Variants in NRG2 observed in about 807,000 individuals in gnomAD.
NRG2 encodes pro-neuregulin-2, membrane-bound isoform.
Under a neutral mutation model 73.9 loss-of-function variants are expected in NRG2, and 27 were observed. That is an observed-to-expected ratio of 0.37 (90% CI 0.27 to 0.50). NRG2 has a LOEUF of 0.50. Among genes scored for constraint, NRG2 ranks in the 20% least tolerant of loss-of-function variants. The pLI is 0.96. For missense variants in NRG2, 1,126 were observed against 1,210.1 expected (o/e 0.93, Z 1.03); for synonymous variants, 532 against 541.0 (o/e 0.98, Z 0.23).
chr5:139,976,811 T>C (rs530592549), intron 1 of NRG2, among the ~76,000 whole-genome samples: 1 of 152,310 alleles, frequency 6.6e-6, no homozygotes, highest in Non-Finnish European at 1.5e-5. Context: ...ATTCCCTCCT[T>C]CTGAGCAGGA....
intron 1 of NRG2, among the ~76,000 whole-genome samples, chr5:139,977,741 C>T (rs1298879099): frequency 6.6e-6 from 1 of 152,184 alleles, no homozygotes; most frequent in Non-Finnish European, 1.5e-5. Context: ...GGTACCAAAA[C>T]AGAGATATAG....
At chr5:139,961,150 G>C (rs1024119758) in intron 1 of NRG2, among the ~76,000 whole-genome samples, 4 of 152,220 alleles carry the variant, frequency 2.6e-5, no homozygotes, top group Non-Finnish European at 5.9e-5. Flanking sequence ...GGCTGTTTAC[G>C]GTTCTTGCCT....
At chr5:139,987,498 T>C (rs776847562) in intron 1 of NRG2, among the ~76,000 whole-genome samples, 10 of 151,590 alleles carry the variant, frequency 6.6e-5, no homozygotes, top group Non-Finnish European at 1.5e-4. Flanking sequence ...AAGTAAATGC[T>C]CTAACTGGGA....
intron 1 of NRG2, among the ~76,000 whole-genome samples, chr5:139,990,626 G>A (rs542804086): frequency 3.9e-5 from 6 of 152,244 alleles, no homozygotes; most frequent in South Asian, 4.2e-4. Context: ...ATTTTGAAGA[G>A]ATCCTATGAT....
intron 1 of NRG2, among the ~76,000 whole-genome samples, chr5:139,901,335 G>A (rs1764877443): frequency 6.6e-6 from 1 of 152,172 alleles, no homozygotes; most frequent in Non-Finnish European, 1.5e-5. Flanking sequence ...GAGGTGCCAG[G>A]GAGCCAGAGC....
At chr5:139,860,984 G>A (rs1008127450) in intron 5 of NRG2, among the ~76,000 whole-genome samples, 2 of 152,128 alleles carry the variant, frequency 1.3e-5, no homozygotes, top group Admixed American at 6.5e-5. Context: ...TGAGGTGGGA[G>A]CCCAGAAATC....
chr5:139,863,945 G>A (rs1331292321), intron 5 of NRG2, among the ~76,000 whole-genome samples: 2 of 152,182 alleles, frequency 1.3e-5, no homozygotes, highest in African/African-American at 2.4e-5. Flanking sequence ...GGAGTACTGG[G>A]AAGGATCATT....
chr5:139,892,225 C>T (rs1440269708), intron 1 of NRG2, among the ~76,000 whole-genome samples: 3 of 152,176 alleles, frequency 2.0e-5, no homozygotes, highest in East Asian at 1.9e-4. Context: ...CCTCCACATC[C>T]GCACTCCTGG....
intron 1 of NRG2, among the ~76,000 whole-genome samples, chr5:139,921,448 A>G (rs1751652547): frequency 6.6e-6 from 1 of 152,212 alleles, no homozygotes; most frequent in Non-Finnish European, 1.5e-5. Context: ...CCACATAAAT[A>G]TAGTCAACTG....
intron 1 of NRG2, among the ~76,000 whole-genome samples, chr5:139,981,852 G>C (rs1486230164): frequency 1.3e-5 from 2 of 152,210 alleles, no homozygotes; most frequent in African/African-American, 4.8e-5. Flanking sequence ...CAAGCTCCCA[G>C]TATCTGCCCT....
chr5:140,004,734 C>T (rs1199404017), intron 1 of NRG2, among the ~76,000 whole-genome samples: 1 of 152,062 alleles, frequency 6.6e-6, no homozygotes, highest in African/African-American at 2.4e-5. Context: ...CTATATGCAA[C>T]GTGGGATCCT....
intron 1 of NRG2, among the ~76,000 whole-genome samples, chr5:139,990,694 G>A (rs932216892): frequency 1.3e-5 from 2 of 152,176 alleles, no homozygotes; most frequent in African/African-American, 4.8e-5. Context: ...CCAAGCAAAT[G>A]GGTGCTAAAA....
chr5:139,913,055 C>G (rs1750961327), intron 1 of NRG2, among the ~76,000 whole-genome samples: 1 of 152,190 alleles, frequency 6.6e-6, no homozygotes, highest in African/African-American at 2.4e-5. Context: ...TCTACCCTTC[C>G]AAGCCCAGTC....
intron 1 of NRG2, among the ~76,000 whole-genome samples, chr5:139,982,111 C>T (rs1240460988): frequency 1.3e-5 from 2 of 152,182 alleles, no homozygotes; most frequent in Non-Finnish European, 2.9e-5. Flanking sequence ...AAGTAAACAG[C>T]AAAGCATGGC....
intron 1 of NRG2, among the ~76,000 whole-genome samples, chr5:139,986,079 C>A (rs1757153173): frequency 6.6e-6 from 1 of 152,198 alleles, no homozygotes. Flanking sequence ...CCAGGATTAG[C>A]AGAATGAACA....
At chr5:139,857,975 G>A (rs1350389264) in intron 5 of NRG2, among the ~76,000 whole-genome samples, 2 of 152,088 alleles carry the variant, frequency 1.3e-5, no homozygotes, top group South Asian at 2.1e-4. Context: ...ACCTTCTGAC[G>A]GGTCTTTCTG....
Position 139,932,221 on chromosome 5 carries a change from A to AGTGTGTGT in NRG2, c.701-44718_701-44711dup, listed in dbSNP as rs3056594. ...ATGGATGAATGGATAAAGAAAATGT[A>AGTGTGTGT]GTGTGTGTGTGTGTGTGTGTGTGTG... On this transcript the variant is annotated intron_variant, in intron 1 of 9. Transcript: ENST00000361474. 4.1e-3 allele frequency among the ~76,000 whole-genome samples: 582 copies of AGTGTGTGT among 141,448 alleles called. 6 individuals carry two copies. Among genetic ancestry groups the AGTGTGTGT allele is most frequent in the African/African-American group, 0.014 (530 of 38,560 alleles). 92.8% of individuals were successfully genotyped at this position (141,448 alleles called of 152,430 possible). A position where few individuals can be genotyped will look rare whatever the true frequency, so the allele number is the denominator to read the frequency against.
At position 139,999,314 on chromosome 5, in the gene NRG2, T is replaced by C. The variant is rs1758260201; in HGVS notation, c.700+43056A>G. On this transcript the variant is annotated intron_variant, in intron 1 of 9. Transcript: ENST00000361474. ...ATCTGCACCCAATTCTTGTATTAGA[T>C]TCTGCTTTCTGGTGAATCTGACCCA... 2.0e-5 allele frequency among the ~76,000 whole-genome samples: 3 copies of C among 152,354 alleles called. No homozygotes were observed. The South Asian group carries it at 6.2e-4, about 32-fold the overall frequency.
At chr5:140,010,686 T>A (rs1275341771) in intron 1 of NRG2, among the ~76,000 whole-genome samples, 2 of 152,208 alleles carry the variant, frequency 1.3e-5, no homozygotes, top group East Asian at 3.9e-4. Flanking sequence ...GAACTAGGAA[T>A]GTGTACCTTA....
Sources: allele counts gnomAD v4.1 joint callset (sites outside exome capture counted in the v4.1 genomes callset), GRCh38; gene constraint gnomAD v4.1.1; transcripts MANE v1.5; gene names NCBI Gene and HGNC (gene_info 2026-07-23, HGNC 2026-07-21).